Variants in EEF2K observed in about 807,000 individuals in gnomAD.
EEF2K encodes the protein alternative protein EEF2K.
In EEF2K, 70 loss-of-function variants were observed where a neutral mutation model predicts 93.8. The observed-to-expected ratio is 0.75, with a 90% CI of 0.62 to 0.91. EEF2K has a LOEUF of 0.91. Ranked by LOEUF, EEF2K falls within the 40% of genes least tolerant of loss-of-function variation. EEF2K has a pLI of 0.00. For synonymous variants in EEF2K, 376 were observed against 380.8 expected (o/e 0.99, Z 0.15); for missense variants, 935 against 972.9 (o/e 0.96, Z 0.52).
At chr16:22,232,132 C>T (rs1448707822) in intron 2 of EEF2K, among the ~76,000 whole-genome samples, 1 of 152,002 alleles carries the variant, frequency 6.6e-6, no homozygotes, top group African/African-American at 2.4e-5. Context: ...AATGGGCTTC[C>T]CTTTTTCACA....
rs746394763 is a variant in EEF2K, at chr16:22,266,841, T to A, written c.1729T>A (p.Leu577Met). Residue 577 changes from leucine (L) to methionine (M), a missense_variant, in exon 15 of 18, where the codon TTG becomes ATG. Transcript: ENST00000263026. ...IVGLGLMYSQLPHHILADVSL... is the reference protein window; with the variant it reads ...IVGLGLMYSQMPHHILADVSL... ...GGGCCTGGGACTCATGTACTCGCAG[T>A]TGCCTCATCACATCCTAGCCGATGT... 6.2e-7 allele frequency: 1 copy of A among 1,613,666 alleles called. No homozygotes were observed. The highest frequency in any genetic ancestry group is 8.5e-7 in the Non-Finnish European group (1 of 1,179,786).
rs565892390 is a variant in EEF2K, at chr16:22,217,214, T to G, written c.-76-8440T>G. On this transcript the variant is annotated intron_variant, in intron 1 of 17. Transcript: ENST00000263026. ...AGGAAGCGTATTATTTAGTGATATA[T>G]ATAGATAGATAGATAGAGAGAGAGA... 2.9e-3 allele frequency among the ~76,000 whole-genome samples: 385 copies of G among 133,436 alleles called. 1 individual carries two copies. The highest frequency in any genetic ancestry group is 4.8e-3 in the Admixed American group (64 of 13,312). The allele number at this position is 133,436 out of a possible 152,430, so 87.5% of individuals were successfully genotyped here.
chr16:22,270,439 T>G (rs140297323), intron 15 of EEF2K, among the ~76,000 whole-genome samples: 3 of 152,132 alleles, frequency 2.0e-5, no homozygotes, highest in African/African-American at 7.2e-5. Flanking sequence ...TTTTGTATGT[T>G]TAGTGCAGAT....
chr16:22,277,135 TTTTA>T lies in EEF2K; in HGVS notation c.1890-3047_1890-3044del, dbSNP rs566510934. Among the ~76,000 whole-genome samples the T allele has an allele frequency of 1.8e-3, 271 of 152,244 alleles. 1 individual carries two copies. The highest frequency in any genetic ancestry group is 6.2e-3 in the African/African-American group (257 of 41,532). On this transcript the variant is annotated intron_variant, in intron 16 of 17. Coordinates refer to ENST00000263026, the MANE Select transcript of EEF2K (RefSeq NM_013302.5). ...AAATGGTCCATTTTTTAAATTTAAC[TTTTA>T]TTTATTTATTTATTTGAGACACAAT...
rs2047733831 is a variant in EEF2K, at chr16:22,284,559, G to C, written c.*563G>C. ...GCCTCCCAAAGTGCTGGGATTACAG[G>C]TGTGAGCCACCATGCCTGCCCATTT... is the stretch of plus-strand genomic sequence containing the variant. On this transcript the variant is annotated 3_prime_UTR_variant, in exon 18 of 18. Transcript: ENST00000263026. The C allele has an allele frequency of 1.3e-5, 2 of 152,226 alleles. No individual in the cohort carries two copies. 9.4% of individuals were successfully genotyped at this position (152,226 alleles called of 1,614,324 possible). A position where few individuals can be genotyped will look rare whatever the true frequency, so the allele number is the denominator to read the frequency against.
At chr16:22,216,702 T>C (rs1475982059) in intron 1 of EEF2K, among the ~76,000 whole-genome samples, 2 of 152,072 alleles carry the variant, frequency 1.3e-5, no homozygotes, top group East Asian at 3.9e-4. Context: ...GAGACTAGCC[T>C]AGGCAACACA....
At chr16:22,256,558 TA>T (rs1231505525) in intron 6 of EEF2K, among the ~76,000 whole-genome samples, 189 bp from the exon 7 acceptor site, 3 of 152,064 alleles carry the variant, frequency 2.0e-5, no homozygotes, top group Non-Finnish European at 2.9e-5. Context: ...TTTTTAATTT[TA>T]AAAAAATTAA....
At chr16:22,237,492 G>C (rs1246223421) in intron 2 of EEF2K, among the ~76,000 whole-genome samples, 2 of 151,818 alleles carry the variant, frequency 1.3e-5, no homozygotes, top group African/African-American at 2.4e-5. Context: ...CAAAAAATTA[G>C]CCAGGCGTGG....
chr16:22,210,783 G>C (rs950718096), intron 1 of EEF2K, among the ~76,000 whole-genome samples: 13 of 152,162 alleles, frequency 8.5e-5, no homozygotes, highest in Non-Finnish European at 1.8e-4. Context: ...GGATGAGTAG[G>C]GAGGACAGGC....
chr16:22,253,676 TC>T (rs2047372927), intron 6 of EEF2K, among the ~76,000 whole-genome samples: 1 of 151,602 alleles, frequency 6.6e-6, no homozygotes, highest in Admixed American at 6.6e-5. Context: ...TTTTTTTTTT[TC>T]CTGTTCTTTG....
chr16:22,278,467 G>A lies in EEF2K; in HGVS notation c.1890-1731G>A, dbSNP rs528976273. On this transcript the variant is annotated intron_variant, in intron 16 of 17. Transcript: ENST00000263026. ...GAATCTTCCAAGGTGAGGGAACAGC[G>A]GGTGCAAGGGCCACAGAGCAGGCAG... Among the ~76,000 whole-genome samples the A allele has an allele frequency of 3.9e-5, 6 of 152,234 alleles. No individual in the cohort carries two copies. The East Asian group carries it at 5.8e-4, about 15-fold the overall frequency.
At chr16:22,234,985 A>G (rs2141658612) in intron 2 of EEF2K, among the ~76,000 whole-genome samples, 1 of 141,936 alleles carries the variant, frequency 7.0e-6, no homozygotes, top group East Asian at 2.1e-4. Flanking sequence ...GGTTCAAGTG[A>G]TTCTCTTGCC....
chr16:22,230,459 C>T (rs1489023136), intron 2 of EEF2K, among the ~76,000 whole-genome samples: 2 of 152,104 alleles, frequency 1.3e-5, no homozygotes, highest in Non-Finnish European at 2.9e-5. Context: ...AGTGATCCGC[C>T]CGCCTCAGCT....
rs1386310504 is a variant in EEF2K at position 22,260,401 on chromosome 16, T to C, written c.1232-61T>C. The C allele has an allele frequency of 3.8e-6, 6 of 1,599,398 alleles. No individual in the cohort carries two copies. The African/African-American group carries it at 5.4e-5, about 14-fold the overall frequency. ...GGTATGGACCGCCCTAGGCCGTGGG[T>C]TGGTCTTATGCATGTTCCAGTAGTG... On this transcript the variant is annotated intron_variant, in intron 10 of 17. Coordinates refer to ENST00000263026, the MANE Select transcript of EEF2K (RefSeq NM_013302.5).
At chr16:22,231,298 G>A (rs1305181846) in intron 2 of EEF2K, among the ~76,000 whole-genome samples, 1 of 151,634 alleles carries the variant, frequency 6.6e-6, no homozygotes, top group Non-Finnish European at 1.5e-5. Flanking sequence ...TGTATATTTA[G>A]TAGAGACGGG....
At chr16:22,207,446 C>T (rs776873270) in intron 1 of EEF2K, among the ~76,000 whole-genome samples, 1 of 152,182 alleles carries the variant, frequency 6.6e-6, no homozygotes. Flanking sequence ...GGTTGGAATT[C>T]TAGCTCATTT....
chr16:22,274,503 T>C (rs1023695033), intron 16 of EEF2K, among the ~76,000 whole-genome samples: 2 of 150,394 alleles, frequency 1.3e-5, no homozygotes, highest in African/African-American at 2.4e-5. Context: ...CTAACCAGTA[T>C]AGGTAATGAT....
chr16:22,271,297 G>C (rs912033147), intron 15 of EEF2K, among the ~76,000 whole-genome samples: 4 of 152,024 alleles, frequency 2.6e-5, no homozygotes, highest in African/African-American at 9.7e-5. Flanking sequence ...TGCTCATTCA[G>C]CCAGTGGTGT....
intron 16 of EEF2K, among the ~76,000 whole-genome samples, chr16:22,276,916 T>C (rs542550092): frequency 5.9e-4 from 89 of 151,892 alleles, no homozygotes; most frequent in Non-Finnish European, 1.0e-3. Context: ...ATTAGCTGAG[T>C]GTGATGGCAG....
Sources: gnomAD v4.1 joint callset for allele counts (sites outside exome capture counted in the v4.1 genomes callset) on GRCh38, gnomAD v4.1.1 for gene constraint, MANE v1.5 for transcripts, NCBI Gene and HGNC (gene_info 2026-07-23, HGNC 2026-07-21) for gene names.